UBR1: variants seen among roughly 807,000 people sequenced by gnomAD.
The protein encoded by UBR1 is ubiquitin protein ligase E3 component n-recognin 1, also known as E3 ubiquitin-protein ligase UBR1.
Under a neutral mutation model 242.1 loss-of-function variants are expected in UBR1, and 102 were observed. That is an observed-to-expected ratio of 0.42 (90% CI 0.36 to 0.50). The LOEUF (loss-of-function observed/expected upper bound fraction) is 0.50, where lower values mean the gene tolerates loss of function less well. UBR1 is among the 20% of genes least tolerant of loss of function. The pLI, the probability that UBR1 is intolerant of heterozygous loss-of-function variation, is 0.01. For missense variants in UBR1, 1,772 were observed against 2,101.8 expected (o/e 0.84, Z 3.07); for synonymous variants, 675 against 684.8 (o/e 0.99, Z 0.22).
chr15:43,062,329 A>ATG (rs1429394072), intron 6 of UBR1, among the ~76,000 whole-genome samples: 6 of 151,744 alleles, frequency 4.0e-5, no homozygotes, highest in African/African-American at 1.5e-4. Flanking sequence ...ATATGTATAT[A>ATG]TGTGTATATA....
chr15:43,024,942 T>C lies in UBR1; in HGVS notation c.2626A>G (p.Ser876Gly). The C allele has an allele frequency of 6.2e-7, 1 of 1,614,208 alleles. No individual in the cohort carries two copies. Among genetic ancestry groups the C allele is most frequent in the South Asian group, 1.1e-5 (1 of 91,080 alleles). Residue 876 changes from serine (S) to glycine (G), a missense_variant, in exon 25 of 47, where the codon AGC (serine) becomes GGC (glycine). Physicochemically the swap from Ser to Gly is moderately conservative, Grantham distance 56 (BLOSUM62 0). Around this residue, in one of 3 missense-constraint regions of UBR1, gnomAD observed 965 missense variants for 1,079.7 expected, o/e 0.89. Coordinates refer to ENST00000290650, the MANE Select transcript of UBR1 (RefSeq NM_174916.3). Reference sequence around the variant, plus strand: ...CAGTTGAGAAGGTTAATCACTTTGCTGAAAGCAGGGCAGAATTCAGGAGGT... The same window carrying C: ...CAGTTGAGAAGGTTAATCACTTTGCCGAAAGCAGGGCAGAATTCAGGAGGT... ...PPPPEFCPAF[S>G]KVINLLNCDI... is the part of the protein sequence containing the mutation.
At chr15:43,031,380 T>A (rs2033255644) in intron 20 of UBR1, among the ~76,000 whole-genome samples, 2 of 152,188 alleles carry the variant, frequency 1.3e-5, no homozygotes, top group African/African-American at 4.8e-5. Flanking sequence ...TACATAGCAC[T>A]CTAAGGACAA....
At chr15:42,973,616 G>GTTGT (rs113401302) in intron 39 of UBR1, among the ~76,000 whole-genome samples, 125,106 of 151,588 alleles carry the variant, frequency 0.83, 52,114 homozygotes, top group Non-Finnish European at 0.89. Context: ...TTTAAATTGG[G>GTTGT]TTGTTTTCTT....
At chr15:43,046,860 T>C (rs1596117740) in intron 14 of UBR1, among the ~76,000 whole-genome samples, 2 of 152,262 alleles carry the variant, frequency 1.3e-5, no homozygotes, top group South Asian at 4.1e-4. Flanking sequence ...AAAAGTCTAC[T>C]ATGGTCCTCA....
intron 1 of UBR1, among the ~76,000 whole-genome samples, chr15:43,090,754 A>G (rs1385561833): frequency 6.6e-6 from 1 of 152,182 alleles, no homozygotes; most frequent in African/African-American, 2.4e-5. Flanking sequence ...AAAAAAGAGT[A>G]CAAGCCCCTC....
At chr15:42,995,778 A>G (rs898433541) in intron 33 of UBR1, among the ~76,000 whole-genome samples, 1 of 152,202 alleles carries the variant, frequency 6.6e-6, no homozygotes, top group Non-Finnish European at 1.5e-5. Flanking sequence ...TCCACCCAAC[A>G]GATTGTTATC....
At chr15:42,964,521 G>A (rs2032074793) in intron 41 of UBR1, among the ~76,000 whole-genome samples, 1 of 152,024 alleles carries the variant, frequency 6.6e-6, no homozygotes, top group Non-Finnish European at 1.5e-5. Context: ...TGGCAAATAA[G>A]TCACAGTGAT....
intron 6 of UBR1, among the ~76,000 whole-genome samples, chr15:43,062,855 T>A (rs1053845699): frequency 6.6e-6 from 1 of 152,096 alleles, no homozygotes; most frequent in Admixed American, 6.6e-5. Context: ...CTCTTCCCCA[T>A]ACTCCCAATT....
rs370655651 is a variant in UBR1, at chr15:42,984,870, T to C, written c.4053+17A>G. Reference sequence around the variant, plus strand: ...GGCATGCCATGAGTTACATGTACCTTGTTGGAATATACATACCTGCCTATT... The same window carrying C: ...GGCATGCCATGAGTTACATGTACCTCGTTGGAATATACATACCTGCCTATT... On this transcript the variant is annotated intron_variant, in intron 36 of 46. Transcript: ENST00000290650. The C allele has an allele frequency of 8.1e-6, 13 of 1,606,826 alleles. No homozygotes were observed. In the African/African-American group the frequency reaches 1.6e-4, roughly 20 times the overall value.
chr15:43,076,168 G>A (rs1479192042), intron 3 of UBR1, among the ~76,000 whole-genome samples: 31 of 150,452 alleles, frequency 2.1e-4, no homozygotes, highest in African/African-American at 7.3e-4. Context: ...TTTTGGTGGA[G>A]ACGGGGTTTT....
At chr15:42,977,417 GAATGGA>G (rs1383544944) in intron 38 of UBR1, among the ~76,000 whole-genome samples, 1 of 152,098 alleles carries the variant, frequency 6.6e-6, no homozygotes, top group Non-Finnish European at 1.5e-5. Flanking sequence ...ATCATCACAG[GAATGGA>G]AAATCTCTAC....
chr15:43,103,520 C>A (rs1407678096), intron 1 of UBR1, among the ~76,000 whole-genome samples: 1 of 152,182 alleles, frequency 6.6e-6, no homozygotes, highest in East Asian at 1.9e-4. Flanking sequence ...TTGGACCTCA[C>A]CTCAGACCTA....
Position 42,965,324 on chromosome 15 carries a change from A to G in UBR1, c.4591+829T>C, listed in dbSNP as rs114456797. Among the ~76,000 whole-genome samples, 1,310 of 152,320 alleles carry G rather than the reference A, an allele frequency of 8.6e-3. 19 individuals are homozygous for G. The highest frequency in any genetic ancestry group is 0.03 in the African/African-American group (1,238 of 41,578). ...CTGATTTTTACCCATACAAAGCCAC[A>G]GGAAGGCTTCCCTACTTTGGTCTAG... On this transcript the variant is annotated intron_variant, in intron 41 of 46. Transcript: ENST00000290650.
At chr15:43,055,210 C>T (rs562470414) in intron 11 of UBR1, among the ~76,000 whole-genome samples, 1 of 152,004 alleles carries the variant, frequency 6.6e-6, no homozygotes, top group African/African-American at 2.4e-5. Flanking sequence ...TTTGGGAGGC[C>T]GAGGCAGGCG....
intron 43 of UBR1, 111 bp from the exon 44 acceptor site, chr15:42,958,201 C>G (rs981990831): frequency 2.4e-5 from 18 of 749,626 alleles, no homozygotes; most frequent in Non-Finnish European, 4.1e-5. Context: ...TCTACACTTG[C>G]AATCCAAAGT....
At chr15:43,044,206 C>T (rs1267626933) in intron 14 of UBR1, among the ~76,000 whole-genome samples, 5 of 152,210 alleles carry the variant, frequency 3.3e-5, no homozygotes, top group Admixed American at 6.5e-5. Flanking sequence ...TGTGAATACA[C>T]TGATGGAGTC....
At chr15:43,053,312 TAAAAC>T (rs1368374631) in intron 12 of UBR1, among the ~76,000 whole-genome samples, 3 of 152,300 alleles carry the variant, frequency 2.0e-5, no homozygotes, top group African/African-American at 7.2e-5. Flanking sequence ...TAAAATATGA[TAAAAC>T]AAGTGATTAT....
chr15:43,061,974 T>TAA (rs917828478), intron 6 of UBR1, among the ~76,000 whole-genome samples: 1 of 146,580 alleles, frequency 6.8e-6, no homozygotes, highest in African/African-American at 2.5e-5. Context: ...GAGTTGGCTG[T>TAA]AAAAAAAAAA....
chr15:43,103,321 G>A (rs959795840), intron 1 of UBR1, among the ~76,000 whole-genome samples: 1 of 152,160 alleles, frequency 6.6e-6, no homozygotes, highest in African/African-American at 2.4e-5. Context: ...AGTTGTTTGT[G>A]CCACTGCACT....
Sources: gnomAD v4.1 joint callset for allele counts (sites outside exome capture counted in the v4.1 genomes callset) on GRCh38, gnomAD v4.1.1 for gene constraint, gnomAD v4.1.1 regional missense constraint, MANE v1.5 for transcripts, NCBI Gene and HGNC (gene_info 2026-07-23, HGNC 2026-07-21) for gene names.